ATRNL1: variants seen among roughly 807,000 people sequenced by gnomAD.
ATRNL1 encodes attractin like 1, also known as attractin-like protein 1.
ATRNL1 carries 95 observed loss-of-function variants against 182.7 expected under a neutral mutation model. The observed-to-expected ratio is 0.52, with a 90% CI of 0.44 to 0.62. The LOEUF (loss-of-function observed/expected upper bound fraction) is 0.62. ATRNL1 is among the 20% of genes least tolerant of loss of function. ATRNL1 has a pLI of 0.00. For synonymous variants in ATRNL1, 576 were observed against 568.3 expected (o/e 1.01, Z -0.19); for missense variants, 1,471 against 1,679.5 (o/e 0.88, Z 2.17).
At chr10:115,640,556 T>A in intron 26 of ATRNL1, among the ~76,000 whole-genome samples, 1 of 152,228 alleles carries the variant, frequency 6.6e-6, no homozygotes. Flanking sequence ...CATACGTTTG[T>A]TGGCCGCATA....
intron 1 of ATRNL1, among the ~76,000 whole-genome samples, chr10:115,119,820 G>T (rs1844649015): frequency 6.6e-6 from 1 of 152,014 alleles, no homozygotes; most frequent in Non-Finnish European, 1.5e-5. Context: ...CTATTCCATA[G>T]ATTTGTATTT....
At chr10:115,467,475 A>T (rs1848108664) in intron 23 of ATRNL1, among the ~76,000 whole-genome samples, 1 of 150,946 alleles carries the variant, frequency 6.6e-6, no homozygotes, top group Non-Finnish European at 1.5e-5. Context: ...AACAAATATT[A>T]TACACTAAAT....
At chr10:115,273,366 G>C (rs1367006178) in intron 13 of ATRNL1, among the ~76,000 whole-genome samples, 2 of 152,096 alleles carry the variant, frequency 1.3e-5, no homozygotes, top group Non-Finnish European at 2.9e-5. Flanking sequence ...ATTTACGCTG[G>C]ATACAAGTAT....
At chr10:115,223,401 C>A (rs549283570) in intron 9 of ATRNL1, among the ~76,000 whole-genome samples, 25 of 152,058 alleles carry the variant, frequency 1.6e-4, no homozygotes, top group Admixed American at 7.9e-4. Context: ...AAAAGATAAA[C>A]CTTAAATAAA....
intron 19 of ATRNL1, among the ~76,000 whole-genome samples, chr10:115,350,334 C>CAAAA (rs1424122017): frequency 0.014 from 411 of 29,640 alleles, 24 homozygotes; most frequent in African/African-American, 0.02. Context: ...GACTCTGTCT[C>CAAAA]AAAAAAAAAA....
At chr10:115,434,529 A>C (rs1846311806) in intron 21 of ATRNL1, among the ~76,000 whole-genome samples, 1 of 152,214 alleles carries the variant, frequency 6.6e-6, no homozygotes, top group Non-Finnish European at 1.5e-5. Context: ...ATGTAAGCAA[A>C]AAGTTTTTAT....
At chr10:115,264,284 C>T (rs955689893) in intron 10 of ATRNL1, among the ~76,000 whole-genome samples, 8 of 151,472 alleles carry the variant, frequency 5.3e-5, no homozygotes, top group Admixed American at 4.6e-4. Context: ...GATGTAATTA[C>T]TTAAATAAGA....
intron 18 of ATRNL1, among the ~76,000 whole-genome samples, chr10:115,329,062 T>C (rs1321155797): frequency 6.6e-6 from 1 of 152,078 alleles, no homozygotes; most frequent in Non-Finnish European, 1.5e-5. Flanking sequence ...GATGTACCAA[T>C]TTACATTCCC....
At chr10:115,799,133 C>T (rs1306956426) in intron 27 of ATRNL1, among the ~76,000 whole-genome samples, 23 of 152,174 alleles carry the variant, frequency 1.5e-4, no homozygotes, top group Admixed American at 3.9e-4. Context: ...GCTTTCTTTA[C>T]GTCGGAGATC....
At chr10:115,869,139 T>G (rs1589627119) in intron 28 of ATRNL1, among the ~76,000 whole-genome samples, 2 of 152,284 alleles carry the variant, frequency 1.3e-5, no homozygotes, top group African/African-American at 4.8e-5. Flanking sequence ...AAGTCTTTAT[T>G]CTTTTAATTG....
chr10:115,605,726 A>G (rs1479621879), intron 26 of ATRNL1, among the ~76,000 whole-genome samples: 1 of 152,030 alleles, frequency 6.6e-6, no homozygotes, highest in Admixed American at 6.6e-5. Context: ...AAATGCATCG[A>G]AAAAATATCA....
At chr10:115,524,346 C>A (rs1232497598) in intron 25 of ATRNL1, among the ~76,000 whole-genome samples, 4 of 151,360 alleles carry the variant, frequency 2.6e-5, no homozygotes, top group Non-Finnish European at 5.9e-5. Flanking sequence ...GTTTTTTTTT[C>A]TTGTTGTTGC....
intron 27 of ATRNL1, among the ~76,000 whole-genome samples, chr10:115,767,414 C>T (rs1309913810): frequency 6.6e-6 from 1 of 152,094 alleles, no homozygotes; most frequent in Admixed American, 6.6e-5. Context: ...TGCTTGTGCT[C>T]CCTGTCCCAT....
chr10:115,817,532 A>T (rs1950192208), intron 27 of ATRNL1, among the ~76,000 whole-genome samples: 1 of 152,146 alleles, frequency 6.6e-6, no homozygotes, highest in Non-Finnish European at 1.5e-5. Context: ...AGATGCATAC[A>T]TATATGACAG....
intron 27 of ATRNL1, among the ~76,000 whole-genome samples, chr10:115,781,511 A>G (rs1307404092): frequency 1.3e-5 from 2 of 152,224 alleles, no homozygotes; most frequent in African/African-American, 4.8e-5. Flanking sequence ...TCACAACTAC[A>G]TGCAACCATA....
At chr10:115,753,564 C>T (rs905347866) in intron 27 of ATRNL1, among the ~76,000 whole-genome samples, 1 of 152,144 alleles carries the variant, frequency 6.6e-6, no homozygotes, top group African/African-American at 2.4e-5. Flanking sequence ...TTTTCTTTAT[C>T]CAGTCTATCA....
intron 8 of ATRNL1, among the ~76,000 whole-genome samples, chr10:115,198,993 T>G (rs1848457011): frequency 6.6e-6 from 1 of 152,128 alleles, no homozygotes; most frequent in Non-Finnish European, 1.5e-5. Flanking sequence ...TGGGGCTTTT[T>G]GTGGTTTCAT....
At chr10:115,429,046 G>A (rs189163813) in intron 21 of ATRNL1, among the ~76,000 whole-genome samples, 4 of 152,146 alleles carry the variant, frequency 2.6e-5, no homozygotes, top group African/African-American at 9.6e-5. Context: ...TCTAGAGTGT[G>A]TATAGTGGCA....
chr10:115,721,809 A>G (rs1168246155), intron 26 of ATRNL1, among the ~76,000 whole-genome samples: 1 of 152,304 alleles, frequency 6.6e-6, no homozygotes, highest in East Asian at 1.9e-4. Flanking sequence ...TTAATCAAAG[A>G]TCCAGAAACA....
Sources: gnomAD v4.1 joint callset for allele counts (sites outside exome capture counted in the v4.1 genomes callset) on GRCh38, gnomAD v4.1.1 for gene constraint, MANE v1.5 for transcripts, NCBI Gene and HGNC (gene_info 2026-07-23, HGNC 2026-07-21) for gene names.